The following FRMD5 variants were observed in gnomAD, a reference collection of about 807,000 sequenced individuals.
The protein encoded by FRMD5 is FERM domain containing 5, also known as FERM domain-containing protein 5.
In FRMD5, 20 loss-of-function variants were observed where a neutral mutation model predicts 69.0. That is an observed-to-expected ratio of 0.29 (90% CI 0.20 to 0.42). The LOEUF (loss-of-function observed/expected upper bound fraction) is 0.42. Ranked by LOEUF, FRMD5 falls within the 10% of genes least tolerant of loss-of-function variation. FRMD5 has a pLI of 1.00. For missense variants in FRMD5, 595 were observed against 708.6 expected (o/e 0.84, Z 1.82); for synonymous variants, 271 against 260.1 (o/e 1.04, Z -0.40).
chr15:43,994,149 C>T lies in FRMD5; in HGVS notation c.103-69840G>A, dbSNP rs118023927. Reference sequence around the variant, plus strand: ...TTGTTTTCTGATTGTTTTGTGGATCCTTTTTTCCTTCTTCTCTTGCTATCT... The same window carrying T: ...TTGTTTTCTGATTGTTTTGTGGATCTTTTTTTCCTTCTTCTCTTGCTATCT... On this transcript the variant is annotated intron_variant, in intron 1 of 13. Coordinates refer to ENST00000417257, the MANE Select transcript of FRMD5 (RefSeq NM_032892.5). Among the ~76,000 whole-genome samples, 68 of 152,158 alleles carry T rather than the reference C, an allele frequency of 4.5e-4. 1 individual carries two copies. The East Asian group carries it at 0.013, about 29-fold the overall frequency.
At position 43,873,861 on chromosome 15, in the gene FRMD5, GT is replaced by G. The variant is rs1432846878; in HGVS notation, c.*23del. 6.2e-7 allele frequency: 1 copy of G among 1,609,980 alleles called. No homozygotes were observed. ...CCGGGTTCCTTGGTCCACCTGGCTA[GT>G]TTTTGGGAGGAGTCATGCCTTCTCA... On this transcript the variant is annotated 3_prime_UTR_variant, in exon 14 of 14. Coordinates refer to ENST00000417257, the MANE Select transcript of FRMD5 (RefSeq NM_032892.5).
intron 1 of FRMD5, among the ~76,000 whole-genome samples, chr15:44,138,125 A>C (rs1387206812): frequency 3.3e-5 from 5 of 152,212 alleles, no homozygotes; most frequent in Non-Finnish European, 7.3e-5. Flanking sequence ...ATTCGAGTTA[A>C]GCTTTCAAGC....
At chr15:43,904,165 A>G (rs1452724736) in intron 6 of FRMD5, among the ~76,000 whole-genome samples, 3 of 152,026 alleles carry the variant, frequency 2.0e-5, no homozygotes, top group African/African-American at 4.8e-5. Flanking sequence ...TTTGGGTTAT[A>G]TTTGTTGGTA....
chr15:43,951,344 C>T (rs1239733234), intron 1 of FRMD5, among the ~76,000 whole-genome samples: 3 of 151,552 alleles, frequency 2.0e-5, no homozygotes, highest in Admixed American at 2.0e-4. Flanking sequence ...ATGGTGTGAA[C>T]CCAGGAGGCG....
At position 43,933,340 on chromosome 15, in the gene FRMD5, G is replaced by A. The variant is rs892182213; in HGVS notation, c.103-9031C>T. Among the ~76,000 whole-genome samples the A allele has an allele frequency of 5.3e-5, 8 of 152,156 alleles. No homozygotes were observed. The South Asian group carries it at 1.0e-3, about 20-fold the overall frequency. ...CAAATTAGGAAGCATACCATACTCC[G>A]GACCATTGGTTCTCACACCTGAGTC... On this transcript the variant is annotated intron_variant, in intron 1 of 13. Transcript: ENST00000417257.
intron 1 of FRMD5, among the ~76,000 whole-genome samples, chr15:43,929,522 G>A (rs888019361): frequency 1.3e-5 from 2 of 152,146 alleles, no homozygotes; most frequent in African/African-American, 4.8e-5. Flanking sequence ...ACTTCCTCCT[G>A]GCTACATGCT....
chr15:43,925,937 A>C (rs2089577029), intron 1 of FRMD5, among the ~76,000 whole-genome samples: 1 of 152,126 alleles, frequency 6.6e-6, no homozygotes, highest in African/African-American at 2.4e-5. Context: ...TAGCACTTAT[A>C]CCAATCTGTA....
At chr15:44,144,228 CTA>C (rs2077320038) in intron 1 of FRMD5, among the ~76,000 whole-genome samples, 2 of 152,090 alleles carry the variant, frequency 1.3e-5, no homozygotes, top group Admixed American at 1.3e-4. Context: ...TTGAGGATAT[CTA>C]TAGAGTAGGT....
intron 1 of FRMD5, among the ~76,000 whole-genome samples, chr15:44,037,656 T>G (rs1420324575): frequency 1.3e-5 from 2 of 150,646 alleles, no homozygotes; most frequent in African/African-American, 4.9e-5. Context: ...ATAGTTTTAG[T>G]AGAGTTGGGG....
At chr15:43,921,231 G>C (rs1566836959) in intron 2 of FRMD5, among the ~76,000 whole-genome samples, 1 of 152,222 alleles carries the variant, frequency 6.6e-6, no homozygotes, top group Non-Finnish European at 1.5e-5. Flanking sequence ...GAGCACACTG[G>C]AATTGTGGAC....
chr15:43,925,109 A>T (rs951602034), intron 1 of FRMD5, among the ~76,000 whole-genome samples: 1 of 150,100 alleles, frequency 6.7e-6, no homozygotes, highest in Middle Eastern at 3.2e-3. Context: ...GGTTCACACG[A>T]TTCTCCTGTC....
At chr15:44,121,418 G>A (rs1226003649) in intron 1 of FRMD5, among the ~76,000 whole-genome samples, 5 of 151,956 alleles carry the variant, frequency 3.3e-5, no homozygotes, top group African/African-American at 1.2e-4. Flanking sequence ...AAGTGGGAAA[G>A]GCTATTAAAA....
chr15:44,183,044 C>A (rs2078035869), intron 1 of FRMD5, among the ~76,000 whole-genome samples: 1 of 152,010 alleles, frequency 6.6e-6, no homozygotes, highest in Non-Finnish European at 1.5e-5. Flanking sequence ...GTGATCCGCC[C>A]ACCTTGGCCT....
chr15:44,048,787 G>C (rs943456028), intron 1 of FRMD5, among the ~76,000 whole-genome samples: 1 of 152,078 alleles, frequency 6.6e-6, no homozygotes, highest in African/African-American at 2.4e-5. Flanking sequence ...TGGCCAGGCT[G>C]GTCTTGAACT....
intron 1 of FRMD5, among the ~76,000 whole-genome samples, chr15:44,066,531 G>A (rs552186061): frequency 4.7e-4 from 72 of 152,316 alleles, no homozygotes; most frequent in African/African-American, 1.1e-3. Context: ...AAGGCATTAC[G>A]CAGGAAACTA....
chr15:44,117,991 CT>C (rs747747488), intron 1 of FRMD5, among the ~76,000 whole-genome samples: 251 of 92,602 alleles, frequency 2.7e-3, no homozygotes, highest in East Asian at 0.021. Context: ...TTCTTTTTTA[CT>C]TTTTTTTTTT....
At chr15:43,904,150 G>A (rs1171662459) in intron 6 of FRMD5, among the ~76,000 whole-genome samples, 1 of 152,164 alleles carries the variant, frequency 6.6e-6, no homozygotes, top group Non-Finnish European at 1.5e-5. Context: ...AAAGGCTAAG[G>A]AGGCTTTGGG....
At chr15:43,928,482 G>C (rs1357734870) in intron 1 of FRMD5, among the ~76,000 whole-genome samples, 2 of 152,214 alleles carry the variant, frequency 1.3e-5, no homozygotes, top group African/African-American at 2.4e-5. Flanking sequence ...GCCTGAGGCA[G>C]CACTGGGTGA....
intron 1 of FRMD5, among the ~76,000 whole-genome samples, chr15:43,997,931 G>T (rs1399140937): frequency 2.0e-5 from 3 of 151,960 alleles, no homozygotes; most frequent in African/African-American, 7.2e-5. Flanking sequence ...CCTCTTAAAG[G>T]CCTCTTTTTC....
Sources: allele counts gnomAD v4.1 joint callset (sites outside exome capture counted in the v4.1 genomes callset), GRCh38; gene constraint gnomAD v4.1.1; transcripts MANE v1.5; gene names NCBI Gene and HGNC (gene_info 2026-07-23, HGNC 2026-07-21).